The following PTPRD variants were observed in gnomAD, a reference collection of about 807,000 sequenced individuals.
PTPRD encodes protein tyrosine phosphatase receptor type D.
In PTPRD, 34 loss-of-function variants were observed where a neutral mutation model predicts 214.5. The ratio of observed to expected loss-of-function variants is 0.16; its 90% confidence interval spans 0.12 to 0.21. PTPRD has a LOEUF of 0.21. Ranked by LOEUF, PTPRD falls within the 10% of genes least tolerant of loss-of-function variation. PTPRD has a pLI of 1.00. For synonymous variants in PTPRD, 1,128 were observed against 845.7 expected (o/e 1.33, Z -5.79); for missense variants, 2,545 against 2,398.7 (o/e 1.06, Z -1.27).
rs989281413 is a variant in PTPRD, at chr9:9,648,287, C to T, written c.-286-73506G>A. Among the ~76,000 whole-genome samples the T allele has an allele frequency of 6.6e-5, 10 of 152,022 alleles. No homozygotes were observed. In the South Asian group the frequency reaches 2.1e-3, roughly 32 times the overall value. On this transcript the variant is annotated intron_variant, in intron 7 of 45. Coordinates refer to ENST00000381196, the MANE Select transcript of PTPRD (RefSeq NM_002839.4). ...CATTTAGAGAGCACCTAGACCTAAC[C>T]TTTGGAAGGTGCAGGGACTTTCCTA...
At chr9:9,527,571 C>T (rs1258561835) in intron 8 of PTPRD, among the ~76,000 whole-genome samples, 1 of 152,150 alleles carries the variant, frequency 6.6e-6, no homozygotes, top group Non-Finnish European at 1.5e-5. Flanking sequence ...CAGGATGACT[C>T]CAAATTTCTT....
chr9:8,900,525 T>C (rs2098659269), intron 11 of PTPRD, among the ~76,000 whole-genome samples: 1 of 152,214 alleles, frequency 6.6e-6, no homozygotes, highest in Non-Finnish European at 1.5e-5. Flanking sequence ...TTTAAAATAA[T>C]CAGTCCTTGG....
At chr9:10,254,958 C>A (rs1449908308) in intron 3 of PTPRD, among the ~76,000 whole-genome samples, 2 of 152,166 alleles carry the variant, frequency 1.3e-5, no homozygotes, top group Non-Finnish European at 2.9e-5. Context: ...TCACTTGCTT[C>A]TTATGTGCTG....
At chr9:9,842,440 C>CTT (rs2058567011) in intron 5 of PTPRD, among the ~76,000 whole-genome samples, 1 of 149,478 alleles carries the variant, frequency 6.7e-6, no homozygotes, top group East Asian at 2.0e-4. Flanking sequence ...ATATTGATAG[C>CTT]TATTAACCAA....
chr9:9,074,244 G>A (rs908107648), intron 10 of PTPRD, among the ~76,000 whole-genome samples: 3 of 152,086 alleles, frequency 2.0e-5, no homozygotes, highest in African/African-American at 4.8e-5. Flanking sequence ...TGGGATAAAT[G>A]TGCTGATGGC....
intron 5 of PTPRD, among the ~76,000 whole-genome samples, chr9:9,819,095 G>A (rs1176036065): frequency 6.6e-6 from 1 of 152,050 alleles, no homozygotes; most frequent in African/African-American, 2.4e-5. Context: ...GAATAATGCA[G>A]TCCCACATCA....
chr9:9,353,257 T>G (rs1281383659), intron 9 of PTPRD, among the ~76,000 whole-genome samples: 1 of 151,944 alleles, frequency 6.6e-6, no homozygotes, highest in Non-Finnish European at 1.5e-5. Context: ...AGTAACATTT[T>G]CAGTGCAGAA....
rs78910756 is a variant in PTPRD at position 10,139,506 on chromosome 9, C to G, written c.-544-105716G>C. On this transcript the variant is annotated intron_variant, in intron 3 of 45. Coordinates refer to ENST00000381196, the MANE Select transcript of PTPRD (RefSeq NM_002839.4). Reference sequence around the variant, plus strand: ...ACCAAACTATCAACATCATTTTTCACAGAATTTGAAAAAAAAAGCTATTAT... The same window carrying G: ...ACCAAACTATCAACATCATTTTTCAGAGAATTTGAAAAAAAAAGCTATTAT... Among the ~76,000 whole-genome samples, 39 of 151,544 alleles carry G rather than the reference C, an allele frequency of 2.6e-4. No homozygotes were observed. In the East Asian group the frequency reaches 6.8e-3, roughly 26 times the overall value.
chr9:8,659,881 A>G (rs999249261), intron 12 of PTPRD, among the ~76,000 whole-genome samples: 1 of 152,220 alleles, frequency 6.6e-6, no homozygotes, highest in Admixed American at 6.5e-5. Context: ...AAAGAATATT[A>G]TCATGGCAGT....
chr9:9,536,175 G>A (rs972141564), intron 8 of PTPRD, among the ~76,000 whole-genome samples: 2 of 151,886 alleles, frequency 1.3e-5, no homozygotes, highest in African/African-American at 4.8e-5. Flanking sequence ...TATTTCACTT[G>A]CTGCATTATT....
At chr9:9,080,512 T>G (rs2099757456) in intron 10 of PTPRD, among the ~76,000 whole-genome samples, 1 of 152,152 alleles carries the variant, frequency 6.6e-6, no homozygotes, top group Middle Eastern at 3.4e-3. Flanking sequence ...TCCTCTTTTT[T>G]GAGGTTGGTA....
chr9:9,455,652 T>G (rs949728549), intron 8 of PTPRD, among the ~76,000 whole-genome samples: 2 of 151,656 alleles, frequency 1.3e-5, no homozygotes, highest in Non-Finnish European at 1.5e-5. Flanking sequence ...AATCAGAAAT[T>G]TGGAGCTTTC....
chr9:9,902,936 G>C (rs985053499), intron 5 of PTPRD, among the ~76,000 whole-genome samples: 14 of 152,216 alleles, frequency 9.2e-5, no homozygotes, highest in Admixed American at 2.6e-4. Context: ...TTGGCTAACA[G>C]TGAAAATAAA....
At chr9:8,838,728 A>G (rs2097493762) in intron 11 of PTPRD, among the ~76,000 whole-genome samples, 1 of 152,146 alleles carries the variant, frequency 6.6e-6, no homozygotes, top group Non-Finnish European at 1.5e-5. Flanking sequence ...AAAAATAAAT[A>G]TAATGATATT....
intron 7 of PTPRD, among the ~76,000 whole-genome samples, chr9:9,595,277 TTATATATATATTATATATATATA>T (rs1226872316): frequency 1.7e-3 from 64 of 37,674 alleles, no homozygotes; most frequent in African/African-American, 3.7e-3. Flanking sequence ...ATGAAAAGGA[TTATATATATATTATATATATATA>T]TATATATATA....
intron 2 of PTPRD, among the ~76,000 whole-genome samples, chr9:10,417,069 A>C (rs2098498142): frequency 6.6e-6 from 1 of 151,888 alleles, no homozygotes; most frequent in Non-Finnish European, 1.5e-5. Context: ...ATGTTAGTGA[A>C]GACAACAAAC....
At chr9:10,195,291 A>G (rs1376038658) in intron 3 of PTPRD, among the ~76,000 whole-genome samples, 1 of 152,058 alleles carries the variant, frequency 6.6e-6, no homozygotes, top group Non-Finnish European at 1.5e-5. Flanking sequence ...GAAGGTAATG[A>G]TTGAGCCTAC....
intron 2 of PTPRD, among the ~76,000 whole-genome samples, chr9:10,550,101 G>A (rs953648667): frequency 9.9e-5 from 15 of 152,116 alleles, no homozygotes; most frequent in Non-Finnish European, 2.9e-5. Flanking sequence ...AGTGACTTAA[G>A]GGACTGTCTG....
intron 2 of PTPRD, among the ~76,000 whole-genome samples, chr9:10,392,261 C>T (rs575300364): frequency 1.3e-3 from 203 of 152,034 alleles, no homozygotes; most frequent in African/African-American, 4.5e-3. Flanking sequence ...TCACTAGCCA[C>T]ATGAGGATCA....
Sources: allele counts gnomAD v4.1 joint callset (sites outside exome capture counted in the v4.1 genomes callset), GRCh38; gene constraint gnomAD v4.1.1; transcripts MANE v1.5; gene names NCBI Gene and HGNC (gene_info 2026-07-23, HGNC 2026-07-21).